Variants in PRDM11 observed in about 807,000 individuals in gnomAD.
PRDM11 encodes PR domain-containing protein 11.
Under a neutral mutation model 97.8 loss-of-function variants are expected in PRDM11, and 20 were observed. The observed-to-expected ratio is 0.20, with a 90% CI of 0.14 to 0.30. The LOEUF (loss-of-function observed/expected upper bound fraction) is 0.30, where lower values mean the gene tolerates loss of function less well. Ranked by LOEUF, PRDM11 falls within the 10% of genes least tolerant of loss-of-function variation. PRDM11 has a pLI of 1.00. For synonymous variants in PRDM11, 599 were observed against 637.7 expected (o/e 0.94, Z 0.91); for missense variants, 1,139 against 1,555.2 (o/e 0.73, Z 4.50).
chr11:45,110,019 G>GC (rs1456775914), intron 1 of PRDM11, among the ~76,000 whole-genome samples: 3 of 152,166 alleles, frequency 2.0e-5, no homozygotes, highest in Non-Finnish European at 2.9e-5. Context: ...GTGGTTATCA[G>GC]CCCTCTATAT....
intron 1 of PRDM11, among the ~76,000 whole-genome samples, chr11:45,118,018 CAGT>C (rs959707937): frequency 6.6e-6 from 1 of 152,044 alleles, no homozygotes; most frequent in Non-Finnish European, 1.5e-5. Context: ...ACCATAACCA[CAGT>C]CATGACATTA....
chr11:45,191,313 G>A (rs1852905302), intron 4 of PRDM11, among the ~76,000 whole-genome samples: 1 of 152,068 alleles, frequency 6.6e-6, no homozygotes, highest in Non-Finnish European at 1.5e-5. Context: ...AGTTTGTCTT[G>A]TCTTTTACTC....
At chr11:45,216,079 C>G (rs1222952474) in intron 5 of PRDM11, 3 of 152,618 alleles carry the variant, frequency 2.0e-5, no homozygotes, top group Non-Finnish European at 2.9e-5. Flanking sequence ...ATCCAGTCCC[C>G]AAGGTCAGCT....
chr11:45,212,510 C>T (rs769316102), intron 5 of PRDM11: 1 of 448,858 alleles, frequency 2.2e-6, no homozygotes, highest in South Asian at 1.6e-5. Context: ...AAGGCAGCCT[C>T]TTCGGGTGCC....
intron 1 of PRDM11, among the ~76,000 whole-genome samples, chr11:45,112,505 A>G (rs1480051247): frequency 6.6e-6 from 1 of 152,204 alleles, no homozygotes; most frequent in Non-Finnish European, 1.5e-5. Context: ...CTCTTTAAGG[A>G]ATCTCCATAC....
chr11:45,096,329 A>G (rs1851886708), intron 1 of PRDM11, among the ~76,000 whole-genome samples: 1 of 152,224 alleles, frequency 6.6e-6, no homozygotes, highest in African/African-American at 2.4e-5. Flanking sequence ...TTGAGCACCT[A>G]TTGTGTGCAG....
At chr11:45,179,097 A>G (rs1590409292) in intron 1 of PRDM11, among the ~76,000 whole-genome samples, 1 of 152,196 alleles carries the variant, frequency 6.6e-6, no homozygotes, top group Non-Finnish European at 1.5e-5. Flanking sequence ...CACAGGCCCC[A>G]TGGCAGGATG....
At chr11:45,166,385 G>C (rs1482235099) in intron 1 of PRDM11, among the ~76,000 whole-genome samples, 1 of 152,172 alleles carries the variant, frequency 6.6e-6, no homozygotes, top group Non-Finnish European at 1.5e-5. Flanking sequence ...CAGAGCCCCA[G>C]AATTGTAGCT....
At chr11:45,210,165 C>T (rs1264078984) in intron 5 of PRDM11, among the ~76,000 whole-genome samples, 2 of 152,202 alleles carry the variant, frequency 1.3e-5, no homozygotes, top group Non-Finnish European at 2.9e-5. Flanking sequence ...CTTTGTTCCT[C>T]TATTATTACT....
chr11:45,161,269 G>C (rs1303550080), intron 1 of PRDM11, among the ~76,000 whole-genome samples: 3 of 152,210 alleles, frequency 2.0e-5, no homozygotes, highest in Admixed American at 6.5e-5. Context: ...ATGAGCCCTG[G>C]ATCCCACCTC....
chr11:45,131,719 T>G (rs144353510), intron 1 of PRDM11, among the ~76,000 whole-genome samples: 8 of 152,354 alleles, frequency 5.3e-5, no homozygotes, highest in African/African-American at 1.9e-4. Flanking sequence ...TGAAAGAGCA[T>G]GCTCAAAATA....
chr11:45,141,304 C>A (rs11038326), intron 1 of PRDM11, among the ~76,000 whole-genome samples: 4,571 of 152,260 alleles, frequency 0.03, 250 homozygotes, highest in African/African-American at 0.1. Context: ...GCTGCACCCT[C>A]GTGTAGTCCT....
intron 1 of PRDM11, among the ~76,000 whole-genome samples, chr11:45,130,072 G>A (rs893592780): frequency 1.4e-4 from 21 of 152,082 alleles, no homozygotes; most frequent in Non-Finnish European, 1.0e-4. Flanking sequence ...AGATCAATTG[G>A]ATATTCATAT....
intron 1 of PRDM11, among the ~76,000 whole-genome samples, chr11:45,167,553 A>T (rs975006920): frequency 6.6e-6 from 1 of 152,232 alleles, no homozygotes; most frequent in Non-Finnish European, 1.5e-5. Context: ...GTAGCAAGCC[A>T]TAAACAACTA....
rs202172555 is a variant in PRDM11 at position 45,095,855 on chromosome 11, G to A, written c.50G>A (p.Arg17Gln). ...GCATCCCTGATGATCGTGGAGTGCCGGGCCTGCCTGAGATGCTCACCTCTC... is the reference window on the plus strand; with the variant it reads ...GCATCCCTGATGATCGTGGAGTGCCAGGCCTGCCTGAGATGCTCACCTCTC... The change falls in exon 1 of 7, where the codon CGG becomes CAG. Residue 17 changes from arginine (R) to glutamine (Q), a missense_variant. Arg to Gln is a conservative substitution (Grantham distance 43). Transcript: ENST00000530656. The A allele has an allele frequency of 8.3e-5, 65 of 780,090 alleles. No homozygotes were observed. In the Admixed American group the frequency reaches 8.8e-4, roughly 11 times the overall value. 48.3% of individuals were successfully genotyped at this position (780,090 alleles called of 1,614,324 possible). A position where few individuals can be genotyped will look rare whatever the true frequency, so the allele number is the denominator to read the frequency against.
At chr11:45,117,086 T>G (rs891702614) in intron 1 of PRDM11, among the ~76,000 whole-genome samples, 4 of 151,938 alleles carry the variant, frequency 2.6e-5, no homozygotes, top group Non-Finnish European at 5.9e-5. Context: ...TAGCTGGGTG[T>G]GGTGGTGTGC....
chr11:45,143,364 T>C (rs1412375200), upstream of PRDM11, among the ~76,000 whole-genome samples: 2 of 152,180 alleles, frequency 1.3e-5, no homozygotes, highest in Non-Finnish European at 2.9e-5. Flanking sequence ...AGATGGACTT[T>C]TCCTTCTAAA....
At chr11:45,100,930 G>A (rs1851962654) in intron 1 of PRDM11, among the ~76,000 whole-genome samples, 1 of 152,222 alleles carries the variant, frequency 6.6e-6, no homozygotes, top group East Asian at 1.9e-4. Flanking sequence ...CAGACAATAA[G>A]TAGCAGAGAT....
intron 4 of PRDM11, among the ~76,000 whole-genome samples, chr11:45,183,912 C>T (rs1254043380): frequency 1.3e-5 from 2 of 152,170 alleles, no homozygotes; most frequent in Non-Finnish European, 2.9e-5. Context: ...TCAGATAAAT[C>T]CTGCCTTCAT....
Sources: allele counts gnomAD v4.1 joint callset (sites outside exome capture counted in the v4.1 genomes callset), GRCh38; gene constraint gnomAD v4.1.1; transcripts MANE v1.5; gene names NCBI Gene and HGNC (gene_info 2026-07-23, HGNC 2026-07-21).